TEX26: variants seen among roughly 807,000 people sequenced by gnomAD.
The protein encoded by TEX26 is testis expressed 26.
TEX26 carries 34 observed loss-of-function variants against 35.3 expected under a neutral mutation model. That is an observed-to-expected ratio of 0.96 (90% confidence interval 0.73 to 1.28). The LOEUF (loss-of-function observed/expected upper bound fraction) is 1.28, where lower values mean the gene tolerates loss of function less well. Among genes scored for constraint, TEX26 ranks in the 50% most tolerant of loss-of-function variants. The pLI is 0.00. For missense variants in TEX26, 371 were observed against 330.1 expected (o/e 1.12, Z -0.96); for synonymous variants, 136 against 111.8 (o/e 1.22, Z -1.36).
chr13:30,970,164 TGTGA>T (rs1244960946), intron 6 of TEX26, among the ~76,000 whole-genome samples: 5 of 76,546 alleles, frequency 6.5e-5, no homozygotes, highest in African/African-American at 2.7e-4. Context: ...GAAGGGTGTG[TGTGA>T]GTGTGTGTGT....
intron 2 of TEX26, 116 bp downstream of exon 2, chr13:30,939,894 T>C: frequency 1.1e-6 from 1 of 908,254 alleles, no homozygotes; most frequent in African/African-American, 1.6e-5. Context: ...AAAATGCTCT[T>C]GGATACGGGC....
intron 2 of TEX26, among the ~76,000 whole-genome samples, chr13:30,946,213 A>G (rs959826031): frequency 1.3e-5 from 2 of 151,844 alleles, no homozygotes; most frequent in Non-Finnish European, 2.9e-5. Flanking sequence ...TAGCTCTAAA[A>G]TTATTCTTCT....
Position 30,957,040 on chromosome 13 carries a change from T to C in TEX26, c.469+11T>C, listed in dbSNP as rs912105421. ...TGGACAGATCAAAAGGTAAACACTT[T>C]TGTTTTTCTTTTTTTCCTGGGTCAT... On this transcript the variant is annotated intron_variant, in intron 4 of 6. Coordinates refer to ENST00000380473, the MANE Select transcript of TEX26 (RefSeq NM_152325.3). 2 of 1,610,950 alleles carry C rather than the reference T, an allele frequency of 1.2e-6. No individual in the cohort carries two copies. The highest frequency in any genetic ancestry group is 1.7e-5 in the Admixed American group (1 of 59,834).
chr13:30,940,832 G>A lies in TEX26; in HGVS notation c.146+1054G>A, dbSNP rs181690958. Among the ~76,000 whole-genome samples the A allele has an allele frequency of 4.2e-3, 645 of 152,126 alleles. 5 individuals are homozygous for A. Among genetic ancestry groups the A allele is most frequent in the Non-Finnish European group, 7.2e-3 (492 of 67,996 alleles). On this transcript the variant is annotated intron_variant, in intron 2 of 6. Coordinates refer to ENST00000380473, the MANE Select transcript of TEX26 (RefSeq NM_152325.3). ...AGGCACTTGTAATCCCAGCTACTCGGGAGGCAGAGGCACGAGAATTGCTTG... is the reference window on the plus strand; with the variant it reads ...AGGCACTTGTAATCCCAGCTACTCGAGAGGCAGAGGCACGAGAATTGCTTG...
At chr13:30,963,426 C>A in intron 4 of TEX26, among the ~76,000 whole-genome samples, 1 of 152,150 alleles carries the variant, frequency 6.6e-6, no homozygotes, top group South Asian at 2.1e-4. Context: ...ACCTGTCTTC[C>A]AAATAACGCA....
At chr13:30,960,225 A>G (rs976429347) in intron 4 of TEX26, among the ~76,000 whole-genome samples, 2 of 151,838 alleles carry the variant, frequency 1.3e-5, no homozygotes, top group African/African-American at 4.8e-5. Context: ...TTATTTGAAA[A>G]CTTCTATACC....
chr13:30,962,236 G>A (rs1954372141), intron 4 of TEX26, among the ~76,000 whole-genome samples: 1 of 152,168 alleles, frequency 6.6e-6, no homozygotes, highest in Non-Finnish European at 1.5e-5. Flanking sequence ...ACCCTTCAGT[G>A]AATTTTCATT....
chr13:30,970,093 C>T (rs929209233), intron 6 of TEX26, among the ~76,000 whole-genome samples: 3 of 151,892 alleles, frequency 2.0e-5, no homozygotes, highest in African/African-American at 7.3e-5. Flanking sequence ...CTGAAACCCT[C>T]GTTTTGGGGA....
intron 6 of TEX26, among the ~76,000 whole-genome samples, chr13:30,974,131 A>AAAAAAAATATATATATATATATAT: frequency 1.2e-5 from 1 of 84,430 alleles, no homozygotes; most frequent in Non-Finnish European, 2.2e-5. Flanking sequence ...AAAAAAAAAA[A>AAAAAAAATATATATATATATATAT]ATATATATAT....
At chr13:30,966,121 A>G in intron 4 of TEX26, 101 bp from the exon 5 acceptor site, 1 of 1,244,070 alleles carries the variant, frequency 8.0e-7, no homozygotes, top group Non-Finnish European at 1.1e-6. Flanking sequence ...TGAAGTGTTC[A>G]TACAGGGCAC....
At chr13:30,952,479 A>G (rs557672798) in intron 2 of TEX26, among the ~76,000 whole-genome samples, 181 bp from the exon 3 acceptor site, 1 of 152,338 alleles carries the variant, frequency 6.6e-6, no homozygotes, top group South Asian at 2.1e-4. Flanking sequence ...GTTAAAAGCC[A>G]TCCTAAAATA....
chr13:30,960,965 C>CA (rs1954318161), intron 4 of TEX26, among the ~76,000 whole-genome samples: 1 of 152,120 alleles, frequency 6.6e-6, no homozygotes, highest in South Asian at 2.1e-4. Context: ...AAACTGTGTA[C>CA]AAAGAAGGGA....
intron 1 of TEX26, among the ~76,000 whole-genome samples, chr13:30,939,478 G>A (rs975190399): frequency 5.9e-5 from 9 of 152,180 alleles, no homozygotes; most frequent in Non-Finnish European, 1.3e-4. Context: ...ATGCTCAGGA[G>A]AAACAGTAGA....
intron 2 of TEX26, among the ~76,000 whole-genome samples, chr13:30,949,568 A>G (rs1180098979): frequency 6.6e-6 from 1 of 152,076 alleles, no homozygotes; most frequent in Non-Finnish European, 1.5e-5. Flanking sequence ...AAAAGTAGAC[A>G]AGGAAGTGTT....
At chr13:30,948,692 C>T (rs922432453) in intron 2 of TEX26, among the ~76,000 whole-genome samples, 1 of 152,014 alleles carries the variant, frequency 6.6e-6, no homozygotes, top group African/African-American at 2.4e-5. Flanking sequence ...CTGTAGGTTG[C>T]CTGTTCACTC....
intron 6 of TEX26, among the ~76,000 whole-genome samples, chr13:30,971,985 C>T (rs781367618): frequency 7.8e-4 from 118 of 152,204 alleles, no homozygotes; most frequent in Non-Finnish European, 1.6e-3. Flanking sequence ...AATGTATTTA[C>T]TCAAGAAATG....
chr13:30,969,656 C>T (rs1470439225), intron 6 of TEX26, among the ~76,000 whole-genome samples: 10 of 152,144 alleles, frequency 6.6e-5, no homozygotes. Flanking sequence ...GGAGAGGAAA[C>T]TGAGCTCTTC....
rs869246492 is a variant in TEX26, at chr13:30,940,322, C to CTTTTTTTTTT, written c.146+564_146+573dup. 8.0e-3 allele frequency among the ~76,000 whole-genome samples: 419 copies of CTTTTTTTTTT among 52,078 alleles called. 80 individuals carry two copies. Among genetic ancestry groups the CTTTTTTTTTT allele is most frequent in the East Asian group, 0.027 (41 of 1,514 alleles). 34.2% of individuals were successfully genotyped at this position (52,078 alleles called of 152,430 possible). On this transcript the variant is annotated intron_variant, in intron 2 of 6. Transcript: ENST00000380473. The stretch of plus-strand genomic sequence containing the variant: ...GTGGGAGTTTCTAAACATCAGCTGC[C>CTTTTTTTTTT]TTTTTTTTTTTTTTTTTTTTTTTTT...
chr13:30,934,442 C>G (rs1438913998), intron 1 of TEX26, among the ~76,000 whole-genome samples: 1 of 152,172 alleles, frequency 6.6e-6, no homozygotes, highest in Non-Finnish European at 1.5e-5. Flanking sequence ...GTATTAGTTT[C>G]CTGTGGCTGC....
Sources: gnomAD v4.1 joint callset for allele counts (sites outside exome capture counted in the v4.1 genomes callset) on GRCh38, gnomAD v4.1.1 for gene constraint, MANE v1.5 for transcripts, NCBI Gene and HGNC (gene_info 2026-07-23, HGNC 2026-07-21) for gene names.